The following IGF2BP3 variants were observed in gnomAD, a reference collection of about 807,000 sequenced individuals.
IGF2BP3 encodes insulin-like growth factor 2 mRNA-binding protein 3.
IGF2BP3 carries 9 observed loss-of-function variants against 73.8 expected under a neutral mutation model. That is an observed-to-expected ratio of 0.12 (90% CI 0.07 to 0.21). The LOEUF (loss-of-function observed/expected upper bound fraction) is 0.21, where lower values mean the gene tolerates loss of function less well. IGF2BP3 is among the 10% of genes least tolerant of loss of function. IGF2BP3 has a pLI of 1.00. For synonymous variants in IGF2BP3, 258 were observed against 256.7 expected (o/e 1.01, Z -0.05); for missense variants, 542 against 714.0 (o/e 0.76, Z 2.75).
rs146064247 is a variant in IGF2BP3, at chr7:23,327,114, T to G, written c.1204-7860A>C. Among the ~76,000 whole-genome samples, 107 of 152,132 alleles carry G rather than the reference T, an allele frequency of 7.0e-4. 1 individual carries two copies. In the East Asian group the frequency reaches 0.019, roughly 28 times the overall value. On this transcript the variant is annotated intron_variant, in intron 10 of 14. Transcript: ENST00000258729. ...AATTAAAAAAGAAGATATTTTGTCT[T>G]ACACAACTTAGACATGAACTACTTG...
At chr7:23,338,075 A>G (rs1431003104) in intron 10 of IGF2BP3, among the ~76,000 whole-genome samples, 2 of 152,174 alleles carry the variant, frequency 1.3e-5, no homozygotes, top group Non-Finnish European at 2.9e-5. Flanking sequence ...TACATGTAGT[A>G]TGCCAAAATA....
At chr7:23,463,902 G>A (rs902900118) in intron 2 of IGF2BP3, among the ~76,000 whole-genome samples, 3 of 152,160 alleles carry the variant, frequency 2.0e-5, no homozygotes, top group Admixed American at 2.0e-4. Flanking sequence ...CTTAAACTGA[G>A]CACTTGAAAG....
At chr7:23,371,613 C>T (rs976279895) in intron 3 of IGF2BP3, among the ~76,000 whole-genome samples, 1 of 152,174 alleles carries the variant, frequency 6.6e-6, no homozygotes, top group Non-Finnish European at 1.5e-5. Context: ...GTGAAAATGA[C>T]TGTCAAGTTA....
At chr7:23,441,574 T>TAA (rs769391858) in intron 2 of IGF2BP3, among the ~76,000 whole-genome samples, 728 of 56,936 alleles carry the variant, frequency 0.013, 39 homozygotes, top group Non-Finnish European at 0.019. Context: ...CTCCATCTCT[T>TAA]AAAAAAAAAA....
intron 10 of IGF2BP3, among the ~76,000 whole-genome samples, chr7:23,335,457 G>T (rs1458685938): frequency 2.1e-5 from 3 of 143,530 alleles, no homozygotes; most frequent in Non-Finnish European, 4.6e-5. Flanking sequence ...ATCTAAAAAA[G>T]TTTTTTTTTT....
chr7:23,443,657 A>G (rs1419326413), intron 2 of IGF2BP3, among the ~76,000 whole-genome samples: 1 of 151,656 alleles, frequency 6.6e-6, no homozygotes, highest in Non-Finnish European at 1.5e-5. Flanking sequence ...TGGGCTACAG[A>G]GTGAGATTCC....
chr7:23,468,379 A>T (rs1788619122), intron 2 of IGF2BP3, 103 bp downstream of exon 2: 2 of 1,184,822 alleles, frequency 1.7e-6, no homozygotes, highest in South Asian at 2.5e-5. Flanking sequence ...ACCACGCCAC[A>T]CGGCAGGGGG....
chr7:23,408,156 T>C (rs535175160), intron 3 of IGF2BP3, among the ~76,000 whole-genome samples: 48 of 152,260 alleles, frequency 3.2e-4, no homozygotes, highest in African/African-American at 1.1e-3. Flanking sequence ...TTTTATGTGA[T>C]GATGAAAGAC....
At chr7:23,351,652 G>C (rs1331083376) in intron 5 of IGF2BP3, 66 bp from the exon 6 acceptor site, 1 of 1,535,638 alleles carries the variant, frequency 6.5e-7, no homozygotes, top group Non-Finnish European at 8.9e-7. Flanking sequence ...TTTTAGCAAA[G>C]CAACACCCAT....
intron 2 of IGF2BP3, among the ~76,000 whole-genome samples, chr7:23,442,799 T>C (rs1476058554): frequency 2.6e-5 from 4 of 152,214 alleles, no homozygotes; most frequent in Non-Finnish European, 5.9e-5. Flanking sequence ...AATTTTAATT[T>C]ATAAATATTC....
At chr7:23,387,822 G>A (rs997088209) in intron 3 of IGF2BP3, among the ~76,000 whole-genome samples, 2 of 152,270 alleles carry the variant, frequency 1.3e-5, no homozygotes, top group East Asian at 1.9e-4. Context: ...CACACCTATG[G>A]CAAGGATGCA....
chr7:23,326,079 A>G (rs560762970), intron 10 of IGF2BP3, among the ~76,000 whole-genome samples: 4,012 of 152,152 alleles, frequency 0.026, 136 homozygotes, highest in African/African-American at 0.086. Context: ...ATCTAATTAA[A>G]CTAAAGAGCT....
intron 3 of IGF2BP3, chr7:23,415,467 C>T (rs1280310303): frequency 1.0e-5 from 2 of 198,194 alleles, no homozygotes; most frequent in Admixed American, 6.6e-5. Context: ...CTCCGTCAGT[C>T]GGCATCACCG....
intron 2 of IGF2BP3, among the ~76,000 whole-genome samples, chr7:23,465,149 C>A (rs1788536663): frequency 6.6e-6 from 1 of 152,196 alleles, no homozygotes; most frequent in Non-Finnish European, 1.5e-5. Flanking sequence ...CAAGGCCCCA[C>A]AGGATACCAG....
intron 6 of IGF2BP3, among the ~76,000 whole-genome samples, chr7:23,350,523 C>T (rs557896901): frequency 2.0e-5 from 3 of 152,312 alleles, no homozygotes; most frequent in African/African-American, 7.2e-5. Context: ...TATCCACATA[C>T]TGTACAACAG....
At chr7:23,375,042 T>C (rs1401255933) in intron 3 of IGF2BP3, among the ~76,000 whole-genome samples, 1 of 152,238 alleles carries the variant, frequency 6.6e-6, no homozygotes, top group Non-Finnish European at 1.5e-5. Flanking sequence ...TATATTCACA[T>C]ATATACCCAA....
Position 23,311,201 on chromosome 7 carries a change from C to A in IGF2BP3, c.*1161G>T, listed in dbSNP as rs1445479974. ...CAGTGCTGGCCCCATGGAAATGTAG[C>A]CTTTTGTTGCGTTTAAACACTGTCA... On this transcript the variant is annotated 3_prime_UTR_variant, in exon 15 of 15. Coordinates refer to ENST00000258729, the MANE Select transcript of IGF2BP3 (RefSeq NM_006547.3). 1 of 152,196 alleles carries A rather than the reference C, an allele frequency of 6.6e-6. No individual in the cohort carries two copies. The highest frequency in any genetic ancestry group is 1.5e-5 in the Non-Finnish European group (1 of 68,000). The allele number at this position is 152,196 out of a possible 1,614,324, so 9.4% of individuals were successfully genotyped here.
At chr7:23,412,214 C>T (rs1787047237) in intron 3 of IGF2BP3, among the ~76,000 whole-genome samples, 2 of 152,128 alleles carry the variant, frequency 1.3e-5, no homozygotes, top group Admixed American at 6.5e-5. Context: ...AACTCCTGGC[C>T]TCAAGTGATT....
At chr7:23,381,833 A>G (rs575722155) in intron 3 of IGF2BP3, among the ~76,000 whole-genome samples, 1 of 152,046 alleles carries the variant, frequency 6.6e-6, no homozygotes, top group Non-Finnish European at 1.5e-5. Flanking sequence ...TCGGCCTCCC[A>G]AAGTGCTGGG....
Sources: allele counts gnomAD v4.1 joint callset (sites outside exome capture counted in the v4.1 genomes callset), GRCh38; gene constraint gnomAD v4.1.1; transcripts MANE v1.5; gene names NCBI Gene and HGNC (gene_info 2026-07-23, HGNC 2026-07-21).